The following A3GALT2 variants were observed in gnomAD, a reference collection of about 807,000 sequenced individuals.
A3GALT2 encodes the protein alpha 1,3-galactosyltransferase 2.
A3GALT2 carries 14 observed loss-of-function variants against 16.6 expected under a neutral mutation model. That is an observed-to-expected ratio of 0.84 (90% confidence interval 0.56 to 1.32). The LOEUF is 1.32. Among genes scored for constraint, A3GALT2 ranks in the 40% most tolerant of loss-of-function variants. The pLI, the probability that A3GALT2 is intolerant of heterozygous loss-of-function variation, is 0.00. For missense variants in A3GALT2, 600 were observed against 490.9 expected (o/e 1.22, Z -2.10); for synonymous variants, 253 against 218.0 (o/e 1.16, Z -1.42).
rs1646216860 is a variant in A3GALT2 at position 33,308,755 on chromosome 1, T to TTTTTTTTTTTG, written c.336-1303_336-1302insCAAAAAAAAAA. 1.6e-4 allele frequency among the ~76,000 whole-genome samples: 15 copies of TTTTTTTTTTTG among 95,458 alleles called. No individual in the cohort carries two copies. The East Asian group carries it at 2.6e-3, about 17-fold the overall frequency. The allele number at this position is 95,458 out of a possible 152,430, so 62.6% of individuals were successfully genotyped here. On this transcript the variant is annotated intron_variant, in intron 4 of 4. Transcript: ENST00000442999. ...TTTTTTGTCATGTCAAAGTTGTTTT[T>TTTTTTTTTTTG]TTTTTTTTTTTTTTTTTTTTTTTTT...
chr1:33,307,139 A>G lies in A3GALT2; in HGVS notation c.650T>C (p.Val217Ala). 6.5e-7 allele frequency: 1 copy of G among 1,547,652 alleles called. No homozygotes were observed. Among genetic ancestry groups the G allele is most frequent in the Non-Finnish European group, 8.7e-7 (1 of 1,149,722 alleles). Residue 217 changes from valine to alanine, a missense_variant, in exon 5 of 5, where the codon GTG becomes GCG. By Grantham distance (64) the Val-to-Ala change is moderately conservative. Transcript: ENST00000442999. ...TFGPEALAES[V>A]AQLHSWHYHW... The stretch of plus-strand genomic sequence containing the variant: ...GTAGTGCCAGGAGTGCAGCTGCGCC[A>G]CCGACTCGGCCAGCGCCTCGGGCCC...
Position 33,307,069 on chromosome 1 carries a change from C to T in A3GALT2, c.720G>A (p.Ser240=), listed in dbSNP as rs537650735. The T allele has an allele frequency of 1.9e-5, 29 of 1,518,314 alleles. No individual in the cohort carries two copies. In the African/African-American group the frequency reaches 2.4e-4, roughly 13 times the overall value. The allele number at this position is 1,518,314 out of a possible 1,614,324, so 94.1% of individuals were successfully genotyped here. A position where few individuals can be genotyped will look rare whatever the true frequency, so the allele number is the denominator to read the frequency against. The stretch of plus-strand genomic sequence containing the variant: ...CCTGGCCCCACGCCATCGCGGCGGC[C>T]GAATGCGCGTCGCGTTCGAAGGGCA... ...WLLPFERDAH[S]AAAMAWGQGD... is the part of the protein sequence containing the mutation. Residue 240 remains serine (S), a synonymous_variant, in exon 5 of 5, where the codon TCG becomes TCA. Transcript: ENST00000442999.
Position 33,307,045 on chromosome 1 carries a change from C to A in A3GALT2, c.744G>T (p.Gln248His). 1 of 1,505,840 alleles carries A rather than the reference C, an allele frequency of 6.6e-7. No individual in the cohort carries two copies. Among genetic ancestry groups the A allele is most frequent in the Non-Finnish European group, 8.8e-7 (1 of 1,131,052 alleles). 93.3% of individuals were successfully genotyped at this position (1,505,840 alleles called of 1,614,324 possible). A position where few individuals can be genotyped will look rare whatever the true frequency, so the allele number is the denominator to read the frequency against. The part of the protein sequence containing the change: ...AHSAAAMAWG[Q>H]GDFYNHAAVF... The stretch of plus-strand genomic sequence containing the variant: ...CCGCCGCGTGGTTATAGAAGTCGCC[C>A]TGGCCCCACGCCATCGCGGCGGCCG... Residue 248 changes from glutamine to histidine, a missense_variant, in exon 5 of 5, where the codon CAG becomes CAT. Physicochemically the swap from Gln to His is conservative, Grantham distance 24. Transcript: ENST00000442999.
chr1:33,321,071 C>T lies in A3GALT2; in HGVS notation c.23+5G>A. 1.2e-6 allele frequency: 2 copies of T among 1,613,182 alleles called. No homozygotes were observed. Among genetic ancestry groups the T allele is most frequent in the Non-Finnish European group, 1.7e-6 (2 of 1,179,874 alleles). On this transcript the variant is annotated splice_donor_5th_base_variant and intron_variant, in intron 1 of 4. Coordinates refer to ENST00000442999, the MANE Select transcript of A3GALT2 (RefSeq NM_001080438.1). The stretch of plus-strand genomic sequence containing the variant: ...CTTCCTCTCCATACCATTGTCCCCC[C>T]TCACCTGAGTCCCTCCTTGAGAGCC...
Position 33,307,123 on chromosome 1 carries a change from G to A in A3GALT2, c.666C>T (p.Ser222=), listed in dbSNP as rs989931566. Residue 222 remains serine, a synonymous_variant, in exon 5 of 5, where the codon TCC becomes TCT. Coordinates refer to ENST00000442999, the MANE Select transcript of A3GALT2 (RefSeq NM_001080438.1). The part of the protein sequence containing the change: ...ALAESVAQLH[S]WHYHWPSWLL... ...GCCACGACGGCCAGTGGTAGTGCCA[G>A]GAGTGCAGCTGCGCCACCGACTCGG... The A allele has an allele frequency of 2.0e-6, 3 of 1,538,178 alleles. No individual in the cohort carries two copies. In the South Asian group the frequency reaches 3.6e-5, roughly 19 times the overall value.
At chr1:33,308,529 C>T (rs1646214740) in intron 4 of A3GALT2, among the ~76,000 whole-genome samples, 1 of 152,024 alleles carries the variant, frequency 6.6e-6, no homozygotes, top group Non-Finnish European at 1.5e-5. Flanking sequence ...CCTCAGGCTC[C>T]AAGTAGCTGG....
intron 4 of A3GALT2, among the ~76,000 whole-genome samples, chr1:33,310,172 G>A (rs11577617): frequency 0.18 from 26,986 of 152,232 alleles, 2,949 homozygotes; most frequent in South Asian, 0.27. Context: ...GCATGGCGGC[G>A]CGCGCCTGCA....
At chr1:33,312,662 T>C (rs1436770895) in intron 2 of A3GALT2, 72 bp from the exon 3 acceptor site, 1 of 1,475,258 alleles carries the variant, frequency 6.8e-7, no homozygotes, top group Non-Finnish European at 9.3e-7. Flanking sequence ...GCCCTCTGGC[T>C]TTGCTTCTTA....
chr1:33,313,179 T>TTTTTG lies in A3GALT2; in HGVS notation c.24-290_24-289insCAAAA. ...TGTTTGTGGCTCAGTGACGGAGTTT[T>TTTTTG]TTTTTTTTTTTTTTTTTTTTTTGAG... On this transcript the variant is annotated intron_variant, in intron 1 of 4. Coordinates refer to ENST00000442999, the MANE Select transcript of A3GALT2 (RefSeq NM_001080438.1). The TTTTTG allele has an allele frequency of 9.1e-6, 2 of 220,312 alleles. 1 individual carries two copies. Among genetic ancestry groups the TTTTTG allele is most frequent in the South Asian group, 1.5e-4 (2 of 13,488 alleles). 13.6% of individuals were successfully genotyped at this position (220,312 alleles called of 1,614,324 possible). A position where few individuals can be genotyped will look rare whatever the true frequency, so the allele number is the denominator to read the frequency against.
Position 33,307,321 on chromosome 1 carries a change from G to T in A3GALT2, c.468C>A (p.Arg156=). ...AVPRVALGPG[R]RLPVERVARE... ...GCGCCACGCGCTCCACGGGCAGCCG[G>T]CGTCCCGGGCCCAGCGCCACGCGGG... Residue 156 remains arginine (R), a synonymous_variant, in exon 5 of 5, where the codon CGC becomes CGA. Coordinates refer to ENST00000442999, the MANE Select transcript of A3GALT2 (RefSeq NM_001080438.1). The T allele has an allele frequency of 6.6e-7, 1 of 1,506,438 alleles. No individual in the cohort carries two copies. 93.3% of individuals were successfully genotyped at this position (1,506,438 alleles called of 1,614,324 possible).
rs1285632992 is a variant in A3GALT2 at position 33,312,168 on chromosome 1, G to A, written c.219C>T (p.Thr73=). 2 of 1,613,484 alleles carry A rather than the reference G, an allele frequency of 1.2e-6. No individual in the cohort carries two copies. The highest frequency in any genetic ancestry group is 8.5e-7 in the Non-Finnish European group (1 of 1,179,824). ...TAATGGGAGCCCCCCAGGGGGTACA[G>A]GTCAGAACTTCAGGCCGGGCCCTGG... is the stretch of plus-strand genomic sequence containing the variant. ...LRPWARPEVL[T]CTPWGAPIIW... is the part of the protein sequence containing the mutation. The change falls in exon 4 of 5, where the codon ACC becomes ACT. Residue 73 remains threonine (T), a synonymous_variant. Coordinates refer to ENST00000442999, the MANE Select transcript of A3GALT2 (RefSeq NM_001080438.1).
chr1:33,310,737 C>T (rs1025358724), intron 4 of A3GALT2, among the ~76,000 whole-genome samples: 5 of 152,264 alleles, frequency 3.3e-5, no homozygotes. Context: ...CTCAGCATTT[C>T]GTGGTGTTGG....
At chr1:33,313,785 C>T (rs1018660989) in intron 1 of A3GALT2, 1 of 152,246 alleles carries the variant, frequency 6.6e-6, no homozygotes, top group African/African-American at 2.4e-5. Context: ...CATTAGCTCT[C>T]TGACCCTGGG....
At chr1:33,308,750 G>GTTTTTTTTGTTTTT (rs1646216368) in intron 4 of A3GALT2, among the ~76,000 whole-genome samples, 1 of 46,130 alleles carries the variant, frequency 2.2e-5, no homozygotes, top group African/African-American at 1.2e-4. Context: ...TGTCAAAGTT[G>GTTTTTTTTGTTTTT]TTTTTTTTTT....
At chr1:33,315,811 C>T (rs1476650810) in intron 1 of A3GALT2, among the ~76,000 whole-genome samples, 1 of 152,182 alleles carries the variant, frequency 6.6e-6, no homozygotes, top group Non-Finnish European at 1.5e-5. Context: ...GTGCATTCAA[C>T]GTATATTTAT....
chr1:33,313,592 C>G (rs1432852501), intron 1 of A3GALT2: 1 of 152,104 alleles, frequency 6.6e-6, no homozygotes, highest in Admixed American at 6.5e-5. Context: ...GGGATTTGTC[C>G]ACACTTCGTT....
chr1:33,312,288 A>G (rs1646236744), intron 3 of A3GALT2, 99 bp from the exon 4 acceptor site: 1 of 1,513,052 alleles, frequency 6.6e-7, no homozygotes, highest in East Asian at 2.3e-5. Flanking sequence ...CTAGGGACCC[A>G]TAGACCGATG....
At chr1:33,316,445 C>CAA (rs367904310) in intron 1 of A3GALT2, among the ~76,000 whole-genome samples, 47 of 152,190 alleles carry the variant, frequency 3.1e-4, no homozygotes, top group African/African-American at 1.1e-3. Context: ...CAAAACAAAA[C>CAA]AAAAAACCCA....
chr1:33,306,849 T>C lies in A3GALT2; in HGVS notation c.940A>G (p.Ser314Gly). The change falls in exon 5 of 5, where the codon AGC becomes GGC. Residue 314 changes from serine (S) to glycine (G), a missense_variant. Ser to Gly is a moderately conservative substitution (Grantham distance 56, BLOSUM62 0). Coordinates refer to ENST00000442999, the MANE Select transcript of A3GALT2 (RefSeq NM_001080438.1). ...AKVLSPEFCWSPDIGPRAEIR... is the reference protein window; with the variant it reads ...AKVLSPEFCWGPDIGPRAEIR... The stretch of plus-strand genomic sequence containing the variant: ...TCGGCCCGCGGGCCGATGTCCGGGC[T>C]CCAGCAGAACTCGGGCGACAGCACC... 1 of 1,509,864 alleles carries C rather than the reference T, an allele frequency of 6.6e-7. No homozygotes were observed. The allele number at this position is 1,509,864 out of a possible 1,614,324, so 93.5% of individuals were successfully genotyped here. A position where few individuals can be genotyped will look rare whatever the true frequency, so the allele number is the denominator to read the frequency against.
Sources: gnomAD v4.1 joint callset for allele counts (sites outside exome capture counted in the v4.1 genomes callset) on GRCh38, gnomAD v4.1.1 for gene constraint, MANE v1.5 for transcripts, NCBI Gene and HGNC (gene_info 2026-07-23, HGNC 2026-07-21) for gene names.